Variants in BRCA1 observed in about 807,000 individuals in gnomAD.
BRCA1 encodes the protein BRCA1 DNA repair associated, also known as breast cancer type 1 susceptibility protein.
Under a neutral mutation model 173.7 loss-of-function variants are expected in BRCA1, and 140 were observed. The ratio of observed to expected loss-of-function variants is 0.81; its 90% CI spans 0.70 to 0.93. The LOEUF (loss-of-function observed/expected upper bound fraction) is 0.93, where lower values mean the gene tolerates loss of function less well. BRCA1 is among the 40% of genes least tolerant of loss of function. The pLI, the probability that BRCA1 is intolerant of heterozygous loss-of-function variation, is 0.00. For synonymous variants in BRCA1, 662 were observed against 756.0 expected, an observed-to-expected ratio of 0.88 and a Z score of 2.04; for missense variants, 1,983 against 2,172.5, an observed-to-expected ratio of 0.91 and a Z score of 1.73.
rs1567756588 is a variant in BRCA1 at position 43,045,752 on chromosome 17, C to T, written c.5518G>A (p.Asp1840Asn). ...TGGCACTGGTAGAGTGCTACACTGT[C>T]CAACACCCACTCTCGGGTCACCACA... is the stretch of plus-strand genomic sequence containing the variant. Reference protein sequence around the residue: ...APVVTREWVLDSVALYQCQEL... With the variant: ...APVVTREWVLNSVALYQCQEL... Residue 1840 changes from aspartate (D) to asparagine (N), a missense_variant, in exon 23 of 23, where the codon GAC (aspartate) becomes AAC (asparagine). Physicochemically the swap from Asp to Asn is conservative, Grantham distance 23. Coordinates refer to ENST00000357654, the MANE Select transcript of BRCA1 (RefSeq NM_007294.4). 2 of 1,614,036 alleles carry T rather than the reference C, an allele frequency of 1.2e-6. No homozygotes were observed. Among genetic ancestry groups the T allele is most frequent in the South Asian group, 2.2e-5 (2 of 91,070 alleles).
intron 1 of BRCA1, among the ~76,000 whole-genome samples, chr17:43,157,208 G>A (rs185761685): frequency 6.6e-6 from 1 of 152,168 alleles, no homozygotes; most frequent in Non-Finnish European, 1.5e-5. Context: ...GGAATTTTAG[G>A]TCAAGAAACC....
In BRCA1 at chr17:43,170,198, G is replaced by C. The variant is rs376221057; in HGVS notation, c.-92C>G. 1.9e-4 allele frequency: 37 copies of C among 190,644 alleles called. 1 individual carries two copies. Among genetic ancestry groups the C allele is most frequent in the East Asian group, 6.9e-4 (4 of 5,776 alleles). 11.8% of individuals were successfully genotyped at this position (190,644 alleles called of 1,614,324 possible). A position where few individuals can be genotyped will look rare whatever the true frequency, so the allele number is the denominator to read the frequency against. On this transcript the variant is annotated 5_prime_UTR_variant, in exon 1 of 8. Transcript: ENST00000634433. ...AGGACCGAACACCTTGGCGGCAGCC[G>C]AGGAAAGGGGTTCCACAGTTTTAAT...
In BRCA1 at chr17:43,094,113, T is replaced by G. The variant is rs80357057; in HGVS notation, c.1418A>C (p.Asn473Thr). The change falls in exon 10 of 23, where the codon AAC becomes ACC. Residue 473 changes from asparagine (N) to threonine (T), a missense_variant. Physicochemically the swap from Asn to Thr is moderately conservative, Grantham distance 65. Transcript: ENST00000357654. ...KTYRKKASLP[N>T]LSHVTENLII... ...TAGATTTTCAGTTACATGGCTTAAGTTGGGGAGGCTTGCCTTCTTCCGATA... is the reference window on the plus strand; with the variant it reads ...TAGATTTTCAGTTACATGGCTTAAGGTGGGGAGGCTTGCCTTCTTCCGATA... 1.9e-6 allele frequency: 3 copies of G among 1,614,110 alleles called. No homozygotes were observed. Among genetic ancestry groups the G allele is most frequent in the Non-Finnish European group, 2.5e-6 (3 of 1,180,002 alleles).
At chr17:43,062,824 T>C (rs752199267) in intron 18 of BRCA1, among the ~76,000 whole-genome samples, 7 of 152,144 alleles carry the variant, frequency 4.6e-5, no homozygotes, top group Non-Finnish European at 7.4e-5. Flanking sequence ...CTCGAACTCC[T>C]GAGCTCAGGC....
At chr17:43,078,055 G>C (rs2052824149) in intron 12 of BRCA1, among the ~76,000 whole-genome samples, 1 of 151,280 alleles carries the variant, frequency 6.6e-6, no homozygotes, top group Non-Finnish European at 1.5e-5. Context: ...AACGAGATGG[G>C]TGTCTTGCTG....
At chr17:43,159,506 C>A (rs1329294417) in intron 1 of BRCA1, 3 of 181,680 alleles carry the variant, frequency 1.7e-5, no homozygotes, top group Non-Finnish European at 3.5e-5. Flanking sequence ...GGGCTCCTCA[C>A]TTCTCAGACG....
At chr17:43,143,462 C>T (rs1380870561) in intron 1 of BRCA1, among the ~76,000 whole-genome samples, 1 of 152,190 alleles carries the variant, frequency 6.6e-6, no homozygotes, top group African/African-American at 2.4e-5. Context: ...CCCAGTCACA[C>T]TGCTCCTGGG....
chr17:43,049,737 C>T (rs2051128519), intron 20 of BRCA1, among the ~76,000 whole-genome samples: 1 of 152,176 alleles, frequency 6.6e-6, no homozygotes, highest in South Asian at 2.1e-4. Flanking sequence ...AATCCATATA[C>T]TCAGGGGAAT....
chr17:43,135,730 C>G (rs2056015500), intron 1 of BRCA1, among the ~76,000 whole-genome samples: 1 of 152,230 alleles, frequency 6.6e-6, no homozygotes, highest in African/African-American at 2.4e-5. Flanking sequence ...AGGATTTTCA[C>G]TCTTCTCGAA....
At chr17:43,129,536 C>T (rs796742651), upstream of BRCA1, among the ~76,000 whole-genome samples, 4 of 152,004 alleles carry the variant, frequency 2.6e-5, no homozygotes, top group South Asian at 2.1e-4. Context: ...GTGGCACGAT[C>T]GCGGCTAGTG....
At chr17:43,118,959 T>A (rs914354228) in intron 2 of BRCA1, among the ~76,000 whole-genome samples, 5 of 151,566 alleles carry the variant, frequency 3.3e-5, no homozygotes, top group East Asian at 1.9e-4. Context: ...AGGGAAGGGG[T>A]TTCACCATAT....
At chr17:43,091,241 G>A (rs967014997) in intron 10 of BRCA1, 194 bp downstream of exon 10, 21 of 872,650 alleles carry the variant, frequency 2.4e-5, no homozygotes, top group Middle Eastern at 3.1e-4. Context: ...AGCTCATTCA[G>A]TCAAAGATGA....
rs80358116 is a variant in BRCA1, at chr17:43,104,262, C to T, written c.302-1G>A. 1 of 1,608,708 alleles carries T rather than the reference C, an allele frequency of 6.2e-7. No homozygotes were observed. Among genetic ancestry groups the T allele is most frequent in the African/African-American group, 1.3e-5 (1 of 74,872 alleles). ...TTTGCAAAATTATAGCTGTTTGCAT[C>T]TGTAAAATACAAGGGAAAACATTAT... On this transcript the variant is annotated splice_acceptor_variant, in intron 5 of 22. Transcript: ENST00000357654. LOFTEE classifies it high-confidence loss of function.
At chr17:43,062,071 A>G (rs1242176641) in intron 18 of BRCA1, among the ~76,000 whole-genome samples, 2 of 151,928 alleles carry the variant, frequency 1.3e-5, no homozygotes, top group Non-Finnish European at 2.9e-5. Context: ...ATGTATATAT[A>G]TGTATATATG....
rs8176098 is a variant in BRCA1 at position 43,116,189 on chromosome 17, A to C, written c.81-410T>G. 0.32 allele frequency among the ~76,000 whole-genome samples: 47,842 copies of C among 151,758 alleles called. 7,827 individuals are homozygous for C. Among genetic ancestry groups the C allele is most frequent in the South Asian group, 0.49 (2,370 of 4,812 alleles). On this transcript the variant is annotated intron_variant, in intron 2 of 22. Coordinates refer to ENST00000357654, the MANE Select transcript of BRCA1 (RefSeq NM_007294.4). Reference sequence around the variant, plus strand: ...ATATTTCTTTTGAATTCCTTCCTAGAACTTTTTTTTGTTTACTGTAAATGC... The same window carrying C: ...ATATTTCTTTTGAATTCCTTCCTAGCACTTTTTTTTGTTTACTGTAAATGC...
rs80357323 is a variant in BRCA1 at position 43,045,739 on chromosome 17, A to C, written c.5531T>G (p.Leu1844Arg). ...GGTGTCCAGCTCCTGGCACTGGTAGAGTGCTACACTGTCCAACACCCACTC... is the reference window on the plus strand; with the variant it reads ...GGTGTCCAGCTCCTGGCACTGGTAGCGTGCTACACTGTCCAACACCCACTC... ...TREWVLDSVA[L>R]YQCQELDTYL... The change falls in exon 23 of 23, where the codon CTC becomes CGC. Residue 1844 changes from leucine (L) to arginine (R), a missense_variant. Leu to Arg is a moderately radical substitution (Grantham distance 102, BLOSUM62 -2). Coordinates refer to ENST00000357654, the MANE Select transcript of BRCA1 (RefSeq NM_007294.4). 9.3e-6 allele frequency: 15 copies of C among 1,613,724 alleles called. No homozygotes were observed. The highest frequency in any genetic ancestry group is 2.7e-5 in the African/African-American group (2 of 74,876).
chr17:43,123,577 T>C (rs1460469351), intron 2 of BRCA1, among the ~76,000 whole-genome samples: 2 of 152,126 alleles, frequency 1.3e-5, no homozygotes, highest in African/African-American at 4.8e-5. Flanking sequence ...CTCGATCTCC[T>C]GACCTCGTGA....
At chr17:43,144,225 T>TA (rs66915810) in intron 1 of BRCA1, 304 of 334,370 alleles carry the variant, frequency 9.1e-4, no homozygotes, top group Admixed American at 1.5e-3. Flanking sequence ...TCCATCTCAA[T>TA]AAAAAAAATA....
chr17:43,138,927 A>G (rs780089816), intron 1 of BRCA1: 6 of 778,892 alleles, frequency 7.7e-6, no homozygotes, highest in South Asian at 1.3e-5. Context: ...GCTGTGGTAA[A>G]GTAGCCTGAA....
Sources: allele counts gnomAD v4.1 joint callset (sites outside exome capture counted in the v4.1 genomes callset), GRCh38; gene constraint gnomAD v4.1.1; transcripts MANE v1.5; gene names NCBI Gene and HGNC (gene_info 2026-07-23, HGNC 2026-07-21).